The following DIS3L2 variants were observed in gnomAD, a reference collection of about 807,000 sequenced individuals.
DIS3L2 encodes DIS3 like 3'-5' exoribonuclease 2.
DIS3L2 carries 34 observed loss-of-function variants against 97.5 expected under a neutral mutation model. That is an observed-to-expected ratio of 0.35 (90% CI 0.27 to 0.46). DIS3L2 has a LOEUF of 0.46. DIS3L2 is among the 20% of genes least tolerant of loss of function. The probability of loss-of-function intolerance (pLI) is 1.00; values close to 1 mark genes in which losing one functional copy is unlikely to be tolerated. For synonymous variants in DIS3L2, 435 were observed against 445.2 expected (o/e 0.98, Z 0.29); for missense variants, 1,038 against 1,146.0 (o/e 0.91, Z 1.36).
At chr2:232,181,782 G>A (rs755499192) in intron 9 of DIS3L2, among the ~76,000 whole-genome samples, 18 of 152,028 alleles carry the variant, frequency 1.2e-4, no homozygotes, top group East Asian at 2.0e-4. Context: ...GGATACAGGC[G>A]TGCATCATCA....
Position 232,292,995 on chromosome 2 carries a change from A to G in DIS3L2, c.1660-7045A>G, listed in dbSNP as rs1442934151. The stretch of plus-strand genomic sequence containing the variant: ...TGACATGGCAGCTGCCTCTGGAGAG[A>G]GAAAGACCTTGTGAAGTCTGAGTGG... On this transcript the variant is annotated intron_variant, in intron 13 of 20. Transcript: ENST00000325385. This position sits in a 1 kb window ranked among gnomAD's most constrained non-coding sequence, Gnocchi z 4.4. Among the ~76,000 whole-genome samples, 2 of 152,080 alleles carry G rather than the reference A, an allele frequency of 1.3e-5. No individual in the cohort carries two copies. The highest frequency in any genetic ancestry group is 2.9e-5 in the Non-Finnish European group (2 of 68,028).
intron 9 of DIS3L2, among the ~76,000 whole-genome samples, chr2:232,166,410 A>G (rs1365051097): frequency 2.6e-5 from 4 of 152,180 alleles, no homozygotes; most frequent in Non-Finnish European, 5.9e-5. Flanking sequence ...GCTATTCATG[A>G]AGTAACAAGG....
intron 9 of DIS3L2, among the ~76,000 whole-genome samples, chr2:232,170,997 T>C (rs1690969936): frequency 6.6e-6 from 1 of 152,158 alleles, no homozygotes; most frequent in Non-Finnish European, 1.5e-5. Context: ...GGAAGTCCAA[T>C]ATGATTAAAT....
intron 8 of DIS3L2, among the ~76,000 whole-genome samples, chr2:232,149,329 CA>C (rs923327431): frequency 7.2e-6 from 1 of 137,996 alleles, no homozygotes; most frequent in African/African-American, 2.8e-5. Context: ...GTATATCTCC[CA>C]ATGCTATCCC....
intron 1 of DIS3L2, among the ~76,000 whole-genome samples, chr2:231,985,128 TTG>T (rs1693373972): frequency 6.6e-6 from 1 of 152,188 alleles, no homozygotes; most frequent in South Asian, 2.1e-4. Context: ...TTTTACTCAT[TTG>T]TGTGTGTGTT....
intron 11 of DIS3L2, among the ~76,000 whole-genome samples, chr2:232,240,601 T>C (rs565587761): frequency 6.8e-4 from 104 of 152,348 alleles, no homozygotes; most frequent in African/African-American, 2.4e-3. Context: ...TCAAACGTAC[T>C]GTGTCCCTCC....
intron 10 of DIS3L2, among the ~76,000 whole-genome samples, chr2:232,217,695 A>G (rs998592531): frequency 3.3e-5 from 5 of 152,198 alleles, no homozygotes; most frequent in Non-Finnish European, 5.9e-5. Context: ...AGATATTGCA[A>G]AGGATCCAGA....
At chr2:232,294,725 G>A (rs2106315897) in intron 13 of DIS3L2, among the ~76,000 whole-genome samples, 1 of 152,220 alleles carries the variant, frequency 6.6e-6, no homozygotes, top group Non-Finnish European at 1.5e-5. Flanking sequence ...TAGCAACATG[G>A]ACCATACTTC....
chr2:232,262,675 G>A (rs1693741825), intron 12 of DIS3L2, among the ~76,000 whole-genome samples: 1 of 152,218 alleles, frequency 6.6e-6, no homozygotes, highest in African/African-American at 2.4e-5. Context: ...GCCTGTTCTA[G>A]ACTTCTGTCT....
At chr2:232,154,973 C>T (rs978864349) in intron 8 of DIS3L2, among the ~76,000 whole-genome samples, 1 of 139,194 alleles carries the variant, frequency 7.2e-6, no homozygotes, top group East Asian at 2.1e-4. Flanking sequence ...TTTCCAGGTG[C>T]GTCCGTCACC....
intron 16 of DIS3L2, among the ~76,000 whole-genome samples, chr2:232,333,141 CT>C (rs1367225941): frequency 3.5e-4 from 53 of 151,192 alleles, no homozygotes; most frequent in South Asian, 3.4e-3. Context: ...CCACCTCCTC[CT>C]TCCACCACCT....
rs190854549 is a variant in DIS3L2, at chr2:232,197,181, T to C, written c.1125-13145T>C. Reference sequence around the variant, plus strand: ...CTAGACATAGTAAATTCCTTGACTTTGTGACTCTTCTTAATTCTGTCCACT... The same window carrying C: ...CTAGACATAGTAAATTCCTTGACTTCGTGACTCTTCTTAATTCTGTCCACT... On this transcript the variant is annotated intron_variant, in intron 9 of 20. Transcript: ENST00000325385. Among the ~76,000 whole-genome samples the C allele has an allele frequency of 4.0e-4, 61 of 152,324 alleles. 1 individual carries two copies. The highest frequency in any genetic ancestry group is 1.4e-3 in the African/African-American group (59 of 41,578).
intron 8 of DIS3L2, among the ~76,000 whole-genome samples, chr2:232,152,410 C>A (rs1403410159): frequency 1.1e-4 from 1 of 9,194 alleles, no homozygotes; most frequent in Admixed American, 2.1e-3. Context: ...TCTTTGTTCT[C>A]GTTGGTTTCA....
At chr2:232,270,921 G>GTC (rs149683438) in intron 13 of DIS3L2, among the ~76,000 whole-genome samples, 379 of 62,554 alleles carry the variant, frequency 6.1e-3, no homozygotes, top group African/African-American at 0.018. Flanking sequence ...TCTCTGTCTC[G>GTC]TCTCTCTCTC....
intron 6 of DIS3L2, among the ~76,000 whole-genome samples, chr2:232,101,095 G>C (rs2106323853): frequency 6.6e-6 from 1 of 152,026 alleles, no homozygotes; most frequent in East Asian, 1.9e-4. Context: ...AATTAGGCGT[G>C]GTGGTGCACC....
At chr2:231,999,320 C>T (rs1258792496) in intron 1 of DIS3L2, among the ~76,000 whole-genome samples, 1 of 152,132 alleles carries the variant, frequency 6.6e-6, no homozygotes, top group Non-Finnish European at 1.5e-5. Flanking sequence ...AAACTGAGAT[C>T]TAGGCACTAG....
At chr2:232,249,937 A>G (rs1693372931) in intron 12 of DIS3L2, among the ~76,000 whole-genome samples, 2 of 152,360 alleles carry the variant, frequency 1.3e-5, no homozygotes, top group East Asian at 1.9e-4. Flanking sequence ...ACCACAGACC[A>G]AGAACAGAGG....
chr2:232,324,578 G>C (rs1695524087), intron 14 of DIS3L2, among the ~76,000 whole-genome samples: 1 of 152,180 alleles, frequency 6.6e-6, no homozygotes, highest in Non-Finnish European at 1.5e-5. Flanking sequence ...AGGTGAGTTT[G>C]TCAGCACTTT....
At chr2:232,023,382 C>T (rs1158904112) in intron 3 of DIS3L2, among the ~76,000 whole-genome samples, 2 of 152,092 alleles carry the variant, frequency 1.3e-5, no homozygotes, top group African/African-American at 2.4e-5. Flanking sequence ...TATTTTATGC[C>T]GTTGCCTGTT....
Sources: gnomAD v4.1 joint callset for allele counts (sites outside exome capture counted in the v4.1 genomes callset) on GRCh38, gnomAD v4.1.1 for gene constraint, Gnocchi (gnomAD v3.1) non-coding constraint, MANE v1.5 for transcripts, NCBI Gene and HGNC (gene_info 2026-07-23, HGNC 2026-07-21) for gene names.